Variants in ATP8B4 observed in about 807,000 individuals in gnomAD.
ATP8B4 encodes probable phospholipid-transporting ATPase IM.
Under a neutral mutation model 145.6 loss-of-function variants are expected in ATP8B4, and 133 were observed. The observed-to-expected ratio is 0.91, with a 90% CI of 0.79 to 1.05. The LOEUF is 1.05. ATP8B4 is among the 50% of genes least tolerant of loss of function. The pLI is 0.00. For missense variants in ATP8B4, 1,458 were observed against 1,425.2 expected, an observed-to-expected ratio of 1.02 and a Z score of -0.37; for synonymous variants, 507 against 492.9, an observed-to-expected ratio of 1.03 and a Z score of -0.38.
intron 3 of ATP8B4, among the ~76,000 whole-genome samples, chr15:50,059,857 G>A (rs900781851): frequency 8.5e-5 from 13 of 152,208 alleles, no homozygotes; most frequent in Non-Finnish European, 4.4e-5. Context: ...AATGAGACAA[G>A]GGACTTGAAG....
chr15:49,885,676 T>C (rs1233708533), intron 23 of ATP8B4: 1 of 152,170 alleles, frequency 6.6e-6, no homozygotes. Context: ...CATCCTCATA[T>C]TACCTTAACC....
At chr15:49,971,127 G>A in intron 13 of ATP8B4, among the ~76,000 whole-genome samples, 1 of 152,044 alleles carries the variant, frequency 6.6e-6, no homozygotes, top group Non-Finnish European at 1.5e-5. Context: ...AACTCAAGAT[G>A]GACTAAAAAG....
intron 10 of ATP8B4, among the ~76,000 whole-genome samples, chr15:49,986,049 A>G (rs1389836248): frequency 6.6e-6 from 1 of 152,208 alleles, no homozygotes; most frequent in Non-Finnish European, 1.5e-5. Flanking sequence ...AGGGAGACCT[A>G]TTCAACTTAC....
At chr15:50,098,611 CAAT>C (rs1181870041) in intron 2 of ATP8B4, among the ~76,000 whole-genome samples, 1 of 151,970 alleles carries the variant, frequency 6.6e-6, no homozygotes, top group Non-Finnish European at 1.5e-5. Context: ...CTTATAGTGG[CAAT>C]AATAACTTGA....
At chr15:49,867,546 G>A (rs1364071502) in intron 25 of ATP8B4, among the ~76,000 whole-genome samples, 10 of 152,140 alleles carry the variant, frequency 6.6e-5, no homozygotes, top group Non-Finnish European at 1.2e-4. Flanking sequence ...TGGCTGCCAA[G>A]ACATCTCACC....
At chr15:50,164,276 A>C (rs1462607974) in intron 1 of ATP8B4, among the ~76,000 whole-genome samples, 1 of 152,220 alleles carries the variant, frequency 6.6e-6, no homozygotes, top group South Asian at 2.1e-4. Context: ...GTCTCACCCA[A>C]GGCCCACAGC....
At chr15:50,021,972 A>G (rs1302424559) in intron 6 of ATP8B4, among the ~76,000 whole-genome samples, 1 of 152,222 alleles carries the variant, frequency 6.6e-6, no homozygotes, top group Non-Finnish European at 1.5e-5. Flanking sequence ...AGACCCTAAG[A>G]AAGTGTAACA....
At chr15:49,970,212 A>C (rs1413722120) in intron 13 of ATP8B4, among the ~76,000 whole-genome samples, 1 of 152,214 alleles carries the variant, frequency 6.6e-6, no homozygotes, top group Non-Finnish European at 1.5e-5. Context: ...AAACCAGCAC[A>C]AGACAAGGAT....
intron 6 of ATP8B4, chr15:50,019,070 A>G: frequency 1.2e-5 from 7 of 594,624 alleles, no homozygotes; most frequent in Non-Finnish European, 1.7e-5. Context: ...GAAATTTTAT[A>G]GTAAGACTCT....
chr15:50,053,747 A>C (rs942938651), intron 3 of ATP8B4, among the ~76,000 whole-genome samples: 2 of 152,234 alleles, frequency 1.3e-5, no homozygotes, highest in Non-Finnish European at 2.9e-5. Flanking sequence ...GGAATAAAGT[A>C]AAGAAAATGG....
intron 16 of ATP8B4, among the ~76,000 whole-genome samples, chr15:49,929,367 G>C (rs1420024285): frequency 6.6e-6 from 1 of 152,122 alleles, no homozygotes; most frequent in Non-Finnish European, 1.5e-5. Flanking sequence ...TCATTATAAA[G>C]TTCATGGACA....
At chr15:49,914,358 C>T (rs2039523170) in intron 20 of ATP8B4, among the ~76,000 whole-genome samples, 1 of 151,960 alleles carries the variant, frequency 6.6e-6, no homozygotes, top group African/African-American at 2.4e-5. Flanking sequence ...ATATAATCCC[C>T]AAAATGATAT....
At chr15:49,983,645 A>C (rs2046347151) in intron 10 of ATP8B4, among the ~76,000 whole-genome samples, 1 of 152,188 alleles carries the variant, frequency 6.6e-6, no homozygotes, top group Non-Finnish European at 1.5e-5. Flanking sequence ...CAGTGTTGGC[A>C]AGATTAAGCT....
At position 50,078,752 on chromosome 15, in the gene ATP8B4, T is replaced by G. The variant is rs577656404; in HGVS notation, c.29-4567A>C. Among the ~76,000 whole-genome samples, 14 of 151,920 alleles carry G rather than the reference T, an allele frequency of 9.2e-5. No individual in the cohort carries two copies. In the East Asian group the frequency reaches 2.5e-3, roughly 27 times the overall value. On this transcript the variant is annotated intron_variant, in intron 2 of 27. Coordinates refer to ENST00000284509, the MANE Select transcript of ATP8B4 (RefSeq NM_024837.4). ...AGGACAAGCAGATAATCCCAAAAAC[T>G]TCCAAAAGAAAAAAAAATGGTTAGC... is the stretch of plus-strand genomic sequence containing the variant.
At chr15:49,897,169 A>T in intron 23 of ATP8B4, 123 bp downstream of exon 23, 1 of 875,176 alleles carries the variant, frequency 1.1e-6, no homozygotes, top group Non-Finnish European at 1.7e-6. Flanking sequence ...TAATACTATT[A>T]CTTGAATCAG....
intron 16 of ATP8B4, among the ~76,000 whole-genome samples, chr15:49,924,593 AT>A (rs200727674): frequency 0.035 from 5,270 of 152,328 alleles, 118 homozygotes; most frequent in South Asian, 0.084. Flanking sequence ...ATTTAAAAAA[AT>A]ATAAAAACCA....
intron 2 of ATP8B4, among the ~76,000 whole-genome samples, chr15:50,087,099 AAT>A (rs1204045911): frequency 2.2e-5 from 2 of 90,904 alleles, no homozygotes; most frequent in Non-Finnish European, 3.6e-5. Flanking sequence ...ATATATAATA[AAT>A]ATAGATTATA....
chr15:50,096,141 A>T (rs1032448260), intron 2 of ATP8B4, among the ~76,000 whole-genome samples: 13 of 152,210 alleles, frequency 8.5e-5, no homozygotes, highest in African/African-American at 2.9e-4. Flanking sequence ...GCCAGGGGGA[A>T]ATTCCACCAC....
chr15:49,931,070 A>C, intron 16 of ATP8B4, 49 bp downstream of exon 16: 1 of 1,528,396 alleles, frequency 6.5e-7, no homozygotes, highest in Non-Finnish European at 8.9e-7. Flanking sequence ...GAAAAGCATA[A>C]CCACAACAGT....
Sources: gnomAD v4.1 joint callset for allele counts (sites outside exome capture counted in the v4.1 genomes callset) on GRCh38, gnomAD v4.1.1 for gene constraint, MANE v1.5 for transcripts, NCBI Gene and HGNC (gene_info 2026-07-23, HGNC 2026-07-21) for gene names.